The following AGBL5 variants were observed in gnomAD, a reference collection of about 807,000 sequenced individuals.
The protein encoded by AGBL5 is AGBL carboxypeptidase 5.
A neutral mutation model predicts 88.0 loss-of-function variants in AGBL5; 51 were observed. That is an observed-to-expected ratio of 0.58 (90% CI 0.46 to 0.73). The LOEUF is 0.73. Among genes scored for constraint, AGBL5 ranks in the 30% least tolerant of loss-of-function variants. AGBL5 has a pLI of 0.00. For missense variants in AGBL5, 1,031 were observed against 1,162.2 expected, an observed-to-expected ratio of 0.89 and a Z score of 1.64; for synonymous variants, 446 against 438.8, an observed-to-expected ratio of 1.02 and a Z score of -0.21.
Position 27,067,562 on chromosome 2 carries a change from C to G in AGBL5, c.2158C>G (p.Pro720Ala), listed in dbSNP as rs764665544. 1 of 1,614,136 alleles carries G rather than the reference C, an allele frequency of 6.2e-7. No individual in the cohort carries two copies. The highest frequency in any genetic ancestry group is 8.5e-7 in the Non-Finnish European group (1 of 1,180,034). The change falls in exon 12 of 15, where the codon CCA (proline) becomes GCA (alanine). Residue 720 changes from proline to alanine, a missense_variant. Around this residue, in one of 2 missense-constraint regions of AGBL5, gnomAD observed 491 missense variants for 484.0 expected, o/e 1.01. Coordinates refer to ENST00000360131, the MANE Select transcript of AGBL5 (RefSeq NM_021831.6). ...LNHRPAGSLAPSPAPTSSGPA... is the reference protein window; with the variant it reads ...LNHRPAGSLAASPAPTSSGPA... ...CCATCGTCCTGCAGGCAGCCTCGCT[C>G]CATCCCCAGCTCCTACTAGTTCTGG...
Position 27,053,289 on chromosome 2 carries a change from T to C in AGBL5, c.216-113T>C, listed in dbSNP as rs547445526. On this transcript the variant is annotated intron_variant, in intron 2 of 14. Transcript: ENST00000360131. This position sits in a 1 kb window ranked among gnomAD's most constrained non-coding sequence, Gnocchi z 4.9. ...CTGTCCATTTCTGACCCATCGTCCCTCCTTTCTCCTTGCCAAATAGCCCTT... is the reference window on the plus strand; with the variant it reads ...CTGTCCATTTCTGACCCATCGTCCCCCCTTTCTCCTTGCCAAATAGCCCTT... 2 of 1,525,396 alleles carry C rather than the reference T, an allele frequency of 1.3e-6. No individual in the cohort carries two copies. The highest frequency in any genetic ancestry group is 2.5e-5 in the South Asian group (2 of 78,626). The allele number at this position is 1,525,396 out of a possible 1,614,324, so 94.5% of individuals were successfully genotyped here. A position where few individuals can be genotyped will look rare whatever the true frequency, so the allele number is the denominator to read the frequency against.
chr2:27,069,099 C>T (rs1299081854), intron 13 of AGBL5: 2 of 1,343,180 alleles, frequency 1.5e-6, no homozygotes, highest in Non-Finnish European at 2.0e-6. Context: ...CCCCAGGTAA[C>T]ACATTTGGTT....
chr2:27,053,854 C>T lies in AGBL5; in HGVS notation c.388-42C>T, dbSNP rs781220926. 13 of 1,583,096 alleles carry T rather than the reference C, an allele frequency of 8.2e-6. No homozygotes were observed. The highest frequency in any genetic ancestry group is 5.8e-5 in the South Asian group (5 of 86,272). On this transcript the variant is annotated intron_variant, in intron 3 of 14. Transcript: ENST00000360131. This position sits in a 1 kb window ranked among gnomAD's most constrained non-coding sequence, Gnocchi z 4.9. ...GGTCCCAGTAGGAGCTCAGTTCTGA[C>T]AATGGCATGTTGCCCCTCCCTCTTC...
At chr2:27,055,004 C>G in intron 5 of AGBL5, 71 bp from the exon 6 acceptor site, 1 of 1,537,690 alleles carries the variant, frequency 6.5e-7, no homozygotes, top group Non-Finnish European at 8.9e-7. Context: ...TCATCCATGA[C>G]ACCCCCCATA....
At chr2:27,064,194 T>C (rs367842949) in intron 11 of AGBL5, among the ~76,000 whole-genome samples, 1 of 152,220 alleles carries the variant, frequency 6.6e-6, no homozygotes, top group African/African-American at 2.4e-5. Context: ...TGGTAGCTAA[T>C]GTTTTAGGTT....
chr2:27,056,528 G>A lies in AGBL5; in HGVS notation c.1366-95G>A, dbSNP rs1287142833. 19 of 1,095,948 alleles carry A rather than the reference G, an allele frequency of 1.7e-5. No individual in the cohort carries two copies. The East Asian group carries it at 2.9e-4, about 17-fold the overall frequency. The allele number at this position is 1,095,948 out of a possible 1,614,324, so 67.9% of individuals were successfully genotyped here. Reference sequence around the variant, plus strand: ...GTTAATGGTTGTGATGGTATCTGCTGTGTATTAAGTCACATGGTCACATAC... The same window carrying A: ...GTTAATGGTTGTGATGGTATCTGCTATGTATTAAGTCACATGGTCACATAC... On this transcript the variant is annotated intron_variant, in intron 7 of 14. Transcript: ENST00000360131.
intron 11 of AGBL5, among the ~76,000 whole-genome samples, chr2:27,063,081 A>AC (rs1491385000): frequency 6.6e-6 from 1 of 152,232 alleles, no homozygotes; most frequent in African/African-American, 2.4e-5. Context: ...GAAAAGAGAG[A>AC]TAAGTATTAG....
chr2:27,053,393 G>C lies in AGBL5; in HGVS notation c.216-9G>C, dbSNP rs998311616. The C allele has an allele frequency of 6.2e-6, 10 of 1,613,630 alleles. No individual in the cohort carries two copies. In the Admixed American group the frequency reaches 1.5e-4, roughly 24 times the overall value. On this transcript the variant is annotated splice_polypyrimidine_tract_variant and intron_variant, in intron 2 of 14. Transcript: ENST00000360131. This position sits in a 1 kb window ranked among gnomAD's most constrained non-coding sequence, Gnocchi z 4.9. The stretch of plus-strand genomic sequence containing the variant: ...CACGTAATGACCTCTCTCTTACTCT[G>C]GTCCTCAGGTCATGGTTCTACTTCA...
rs144299674 is a variant in AGBL5 at position 27,069,106 on chromosome 2, G to A, written c.2355+362G>A. The A allele has an allele frequency of 1.3e-5, 18 of 1,340,392 alleles. No homozygotes were observed. The African/African-American group carries it at 2.1e-4, about 15-fold the overall frequency. 83.0% of individuals were successfully genotyped at this position (1,340,392 alleles called of 1,614,324 possible). A position where few individuals can be genotyped will look rare whatever the true frequency, so the allele number is the denominator to read the frequency against. ...CCCGGATTCCCCAGGTAACACATTTGGTTGCTGCTGCTAGGAACAGCCCTG... is the reference window on the plus strand; with the variant it reads ...CCCGGATTCCCCAGGTAACACATTTAGTTGCTGCTGCTAGGAACAGCCCTG... On this transcript the variant is annotated intron_variant, in intron 13 of 14. Coordinates refer to ENST00000360131, the MANE Select transcript of AGBL5 (RefSeq NM_021831.6).
intron 9 of AGBL5, 131 bp downstream of exon 9, chr2:27,057,569 T>A: frequency 2.7e-6 from 3 of 1,109,694 alleles, no homozygotes; most frequent in Non-Finnish European, 3.8e-6. Flanking sequence ...ACTATGATTA[T>A]TTTCCTCAGT....
chr2:27,058,558 T>C lies in AGBL5; in HGVS notation c.1830T>C (p.Gly610=). ...GCCTAAGCAGCACTCTGAATGTGGG[T>C]GTCAACAAGAAGAGGGGCCTTCGAA... The part of the protein sequence containing the change: ...SRGLSSTLNV[G]VNKKRGLRTP... The change falls in exon 10 of 15, where the codon GGT becomes GGC. Residue 610 remains glycine, a synonymous_variant. Coordinates refer to ENST00000360131, the MANE Select transcript of AGBL5 (RefSeq NM_021831.6). 6.2e-7 allele frequency: 1 copy of C among 1,614,098 alleles called. No homozygotes were observed. Among genetic ancestry groups the C allele is most frequent in the Non-Finnish European group, 8.5e-7 (1 of 1,180,014 alleles).
intron 9 of AGBL5, among the ~76,000 whole-genome samples, chr2:27,058,091 A>AT (rs1319727652): frequency 1.6e-4 from 25 of 151,958 alleles, no homozygotes; most frequent in African/African-American, 5.6e-4. Context: ...AAAAAAAAAA[A>AT]GTAGATCTGT....
Position 27,069,615 on chromosome 2 carries a change from G to A in AGBL5, c.2398G>A (p.Gly800Arg). 6.2e-7 allele frequency: 1 copy of A among 1,614,230 alleles called. No individual in the cohort carries two copies. The highest frequency in any genetic ancestry group is 1.3e-5 in the African/African-American group (1 of 75,062). The change falls in exon 14 of 15, where the codon GGG (glycine) becomes AGG (arginine). Residue 800 changes from glycine (G) to arginine (R), a missense_variant. Gly to Arg is a moderately radical substitution (Grantham distance 125). Coordinates refer to ENST00000360131, the MANE Select transcript of AGBL5 (RefSeq NM_021831.6). ...CCGGGGCTCACCGCCGACTCGCAGA[G>A]GGATGAAAGGCTCTTCAGGCCCCAC... ...LGRGSPPTRR[G>R]MKGSSGPTSP...
chr2:27,054,190 G>T, intron 4 of AGBL5, 131 bp downstream of exon 4: 1 of 1,164,954 alleles, frequency 8.6e-7, no homozygotes. Flanking sequence ...TGTACAGACA[G>T]GACTTTGGGT....
intron 14 of AGBL5, 165 bp from the exon 15 acceptor site, chr2:27,069,927 A>C (rs1669194227): frequency 1.0e-6 from 1 of 985,336 alleles, no homozygotes; most frequent in South Asian, 4.7e-5. Flanking sequence ...CCTAAGGTCT[A>C]GGAGCTGGCT....
intron 13 of AGBL5, chr2:27,069,264 A>G: frequency 2.0e-6 from 2 of 985,130 alleles, no homozygotes; most frequent in Non-Finnish European, 2.4e-6. Context: ...AGGTCTACCA[A>G]CCCTCCACTA....
intron 10 of AGBL5, 27 bp from the exon 11 acceptor site, chr2:27,059,163 G>A (rs1668581486): frequency 6.2e-7 from 1 of 1,605,852 alleles, no homozygotes; most frequent in East Asian, 2.2e-5. Flanking sequence ...TCCTGGCCCG[G>A]GTTAACTGGC....
rs1356921516 is a variant in AGBL5, at chr2:27,055,419, G to A, written c.908+166G>A. Reference sequence around the variant, plus strand: ...GAGAAAGCATGAGATCATATCTAGTGGCACTCCCAGAAAGGAACCAAACTA... The same window carrying A: ...GAGAAAGCATGAGATCATATCTAGTAGCACTCCCAGAAAGGAACCAAACTA... On this transcript the variant is annotated intron_variant, in intron 6 of 14. Transcript: ENST00000360131. 2.9e-6 allele frequency: 3 copies of A among 1,050,256 alleles called. No individual in the cohort carries two copies. In the East Asian group the frequency reaches 7.7e-5, roughly 27 times the overall value. The allele number at this position is 1,050,256 out of a possible 1,614,324, so 65.1% of individuals were successfully genotyped here.
rs1668286335 is a variant in AGBL5, at chr2:27,053,607, G to C, written c.387+34G>C. ...TCCATGAGGAGGAAAGAAAGACTTG[G>C]GTGCTAAAAGTAGAGAGGAAAGTAA... On this transcript the variant is annotated intron_variant, in intron 3 of 14. Transcript: ENST00000360131. The surrounding 1 kb of genome is among the most constrained non-coding windows in gnomAD (Gnocchi z 4.9). 6.3e-7 allele frequency: 1 copy of C among 1,585,962 alleles called. No individual in the cohort carries two copies. The highest frequency in any genetic ancestry group is 8.6e-7 in the Non-Finnish European group (1 of 1,168,364).
Sources: gnomAD v4.1 joint callset for allele counts (sites outside exome capture counted in the v4.1 genomes callset) on GRCh38, gnomAD v4.1.1 for gene constraint, gnomAD v4.1.1 regional missense constraint, Gnocchi (gnomAD v3.1) non-coding constraint, MANE v1.5 for transcripts, NCBI Gene and HGNC (gene_info 2026-07-23, HGNC 2026-07-21) for gene names.